KALRN: variants seen among roughly 807,000 people sequenced by gnomAD.
KALRN encodes kalirin.
Under a neutral mutation model 353.7 loss-of-function variants are expected in KALRN, and 70 were observed. That is an observed-to-expected ratio of 0.20 (90% CI 0.16 to 0.24). The LOEUF (loss-of-function observed/expected upper bound fraction) is 0.24, where lower values mean the gene tolerates loss of function less well. KALRN is among the 10% of genes least tolerant of loss of function. The probability of loss-of-function intolerance (pLI) is 1.00; values close to 1 mark genes in which losing one functional copy is unlikely to be tolerated. For missense variants in KALRN, 2,791 were observed against 3,756.7 expected, an observed-to-expected ratio of 0.74 and a Z score of 6.72; for synonymous variants, 1,391 against 1,434.8, an observed-to-expected ratio of 0.97 and a Z score of 0.69.
chr3:124,484,410 C>G (rs990279263), intron 28 of KALRN, among the ~76,000 whole-genome samples: 2 of 152,214 alleles, frequency 1.3e-5, no homozygotes, highest in Non-Finnish European at 2.9e-5. Flanking sequence ...ACATCTGCTT[C>G]CAGTGCTCCA....
chr3:124,311,509 A>G (rs1196164279), intron 6 of KALRN, among the ~76,000 whole-genome samples: 1 of 152,168 alleles, frequency 6.6e-6, no homozygotes, highest in Non-Finnish European at 1.5e-5. Flanking sequence ...GTTAGCAAGG[A>G]TATGGAGAAG....
chr3:124,357,553 CAA>C (rs1478444402), intron 10 of KALRN, among the ~76,000 whole-genome samples: 6 of 152,222 alleles, frequency 3.9e-5, no homozygotes, highest in Admixed American at 2.6e-4. Flanking sequence ...GCCATGCTCT[CAA>C]GTCTCAATGC....
chr3:124,640,763 T>C (rs1257052528), intron 37 of KALRN, among the ~76,000 whole-genome samples: 1 of 152,136 alleles, frequency 6.6e-6, no homozygotes, highest in Non-Finnish European at 1.5e-5. Flanking sequence ...CTTCTAGTAA[T>C]TGAAGCACTG....
chr3:124,087,049 A>C (rs1412373699), intron 1 of KALRN, among the ~76,000 whole-genome samples: 1 of 152,220 alleles, frequency 6.6e-6, no homozygotes, highest in Non-Finnish European at 1.5e-5. Flanking sequence ...TTCAGTGGGC[A>C]TCAGATTTTT....
chr3:124,661,700 C>T, intron 44 of KALRN, 151 bp from the exon 45 acceptor site: 1 of 680,568 alleles, frequency 1.5e-6, no homozygotes, highest in Non-Finnish European at 2.7e-6. Context: ...AAGCCCCACA[C>T]TCTCTGAGAG....
intron 10 of KALRN, among the ~76,000 whole-genome samples, chr3:124,359,090 AAG>A (rs1387375007): frequency 6.6e-6 from 1 of 152,146 alleles, no homozygotes; most frequent in Non-Finnish European, 1.5e-5. Context: ...CCTTGCCTCT[AAG>A]ATTTTCATCA....
At chr3:124,707,499 T>C (rs1191459706) in intron 57 of KALRN, among the ~76,000 whole-genome samples, 23 of 151,742 alleles carry the variant, frequency 1.5e-4, no homozygotes, top group Non-Finnish European at 1.5e-5. Flanking sequence ...CCTTTTTTCT[T>C]CTTTCCTCTT....
chr3:124,475,316 T>A (rs1202986650), intron 26 of KALRN, among the ~76,000 whole-genome samples: 1 of 152,200 alleles, frequency 6.6e-6, no homozygotes. Context: ...GAGTGACTGT[T>A]CATCCTCCTT....
At chr3:124,421,151 A>C (rs574778731) in intron 14 of KALRN, among the ~76,000 whole-genome samples, 2 of 152,192 alleles carry the variant, frequency 1.3e-5, no homozygotes, top group Admixed American at 6.5e-5. Context: ...CAGAACTAAG[A>C]AGCTGCAGAG....
intron 57 of KALRN, among the ~76,000 whole-genome samples, chr3:124,706,575 C>CTT (rs35656778): frequency 2.7e-5 from 4 of 146,336 alleles, no homozygotes; most frequent in African/African-American, 1.0e-4. Flanking sequence ...TTTTCTTTTT[C>CTT]TTTTTTTTTT....
intron 33 of KALRN, among the ~76,000 whole-genome samples, chr3:124,521,227 A>G (rs2067136263): frequency 6.6e-6 from 1 of 152,324 alleles, no homozygotes; most frequent in East Asian, 1.9e-4. Context: ...TTACTTAGCA[A>G]ATATTTTTCG....
chr3:124,140,044 G>A (rs2066435285), intron 1 of KALRN, among the ~76,000 whole-genome samples: 1 of 152,126 alleles, frequency 6.6e-6, no homozygotes. Flanking sequence ...TATCTCTCTT[G>A]TGACTTCTTT....
intron 33 of KALRN, among the ~76,000 whole-genome samples, chr3:124,544,522 C>T (rs1187331243): frequency 6.6e-6 from 1 of 152,162 alleles, no homozygotes; most frequent in East Asian, 1.9e-4. Context: ...AATTGCACTA[C>T]TGCCCTCCAG....
intron 46 of KALRN, 86 bp from the exon 47 acceptor site, chr3:124,666,926 A>G (rs1313966765): frequency 1.6e-5 from 22 of 1,400,074 alleles, no homozygotes; most frequent in Non-Finnish European, 2.1e-5. Flanking sequence ...GCTTGTCCTG[A>G]AATAGAAACT....
Position 124,637,281 on chromosome 3 carries a change from A to G in KALRN, c.5642A>G (p.Glu1881Gly). Residue 1881 changes from glutamate to glycine, a missense_variant, in exon 37 of 60, where the codon GAA (glutamate) becomes GGA (glycine). By Grantham distance (98) the Glu-to-Gly change is moderately conservative. Transcript: ENST00000682506. ...GCTGCAGACCTTGTCAATGCAATAGAAAAGTTGGTCAAAAACAAGCTGGTA... is the reference window on the plus strand; with the variant it reads ...GCTGCAGACCTTGTCAATGCAATAGGAAAGTTGGTCAAAAACAAGCTGGTA... ...PTAADLVNAI[E>G]KLVKNKLSLE... is the part of the protein sequence containing the mutation. The G allele has an allele frequency of 3.1e-6, 5 of 1,614,140 alleles. No individual in the cohort carries two copies. Among genetic ancestry groups the G allele is most frequent in the Non-Finnish European group, 4.2e-6 (5 of 1,179,998 alleles).
intron 26 of KALRN, among the ~76,000 whole-genome samples, chr3:124,476,130 A>G: frequency 6.6e-6 from 1 of 152,052 alleles, no homozygotes; most frequent in Non-Finnish European, 1.5e-5. Flanking sequence ...TTTGCCAAGA[A>G]TTATCCCAAG....
At position 124,721,108 on chromosome 3, in the gene KALRN, T is replaced by C. The variant is rs2063347477; in HGVS notation, c.*1638T>C. 1 of 152,194 alleles carries C rather than the reference T, an allele frequency of 6.6e-6. No homozygotes were observed. The highest frequency in any genetic ancestry group is 2.1e-4 in the South Asian group (1 of 4,832). The allele number at this position is 152,194 out of a possible 1,614,324, so 9.4% of individuals were successfully genotyped here. On this transcript the variant is annotated 3_prime_UTR_variant, in exon 60 of 60. Coordinates refer to ENST00000682506, the MANE Select transcript of KALRN (RefSeq NM_001388419.1). ...TAAATGAAAAAGAAATGGTGGAAAC[T>C]AAGCCTGAACTTTAACATATAAAAA...
intron 34 of KALRN, among the ~76,000 whole-genome samples, chr3:124,622,035 G>A (rs987351611): frequency 1.3e-5 from 2 of 152,078 alleles, no homozygotes; most frequent in African/African-American, 4.8e-5. Flanking sequence ...TTTTATATTA[G>A]CAAATTATTT....
chr3:124,047,585 T>A (rs1021736101), intron 1 of KALRN, among the ~76,000 whole-genome samples: 5 of 149,820 alleles, frequency 3.3e-5, no homozygotes, highest in Non-Finnish European at 7.4e-5. Flanking sequence ...CTCTGCCCCC[T>A]GGGTTCATGC....
Sources: allele counts gnomAD v4.1 joint callset (sites outside exome capture counted in the v4.1 genomes callset), GRCh38; gene constraint gnomAD v4.1.1; transcripts MANE v1.5; gene names NCBI Gene and HGNC (gene_info 2026-07-23, HGNC 2026-07-21).